GPATCH2: variants seen among roughly 807,000 people sequenced by gnomAD.
GPATCH2 encodes G-patch domain containing 2.
Under a neutral mutation model 58.0 loss-of-function variants are expected in GPATCH2, and 51 were observed. That is an observed-to-expected ratio of 0.88 (90% CI 0.70 to 1.11). The LOEUF is 1.11. GPATCH2 is among the 50% of genes most tolerant of loss of function. GPATCH2 has a pLI of 0.00. For synonymous variants in GPATCH2, 222 were observed against 218.5 expected (o/e 1.02, Z -0.14); for missense variants, 625 against 652.2 (o/e 0.96, Z 0.45).
At chr1:217,547,405 C>G (rs1029035058) in intron 5 of GPATCH2, among the ~76,000 whole-genome samples, 9 of 151,524 alleles carry the variant, frequency 5.9e-5, no homozygotes, top group Non-Finnish European at 1.3e-4. Context: ...GAAAAAGGAA[C>G]ACTTGTACAC....
intron 5 of GPATCH2, among the ~76,000 whole-genome samples, chr1:217,549,624 C>A (rs1025970458): frequency 6.6e-6 from 1 of 152,146 alleles, no homozygotes; most frequent in African/African-American, 2.4e-5. Flanking sequence ...GTCATTCATT[C>A]ATTCACTCAT....
chr1:217,477,374 T>C (rs545434248), intron 8 of GPATCH2, among the ~76,000 whole-genome samples: 3 of 152,198 alleles, frequency 2.0e-5, no homozygotes, highest in Non-Finnish European at 2.9e-5. Context: ...TCTTGCACCT[T>C]AGGTACCAGC....
At position 217,630,959 on chromosome 1, in the gene GPATCH2, CG is replaced by C; in HGVS notation, c.12del (p.Ala5ProfsTer57). 6.3e-7 allele frequency: 1 copy of C among 1,588,008 alleles called. No individual in the cohort carries two copies. Among genetic ancestry groups the C allele is most frequent in the Non-Finnish European group, 8.5e-7 (1 of 1,172,346 alleles). On this transcript the variant is annotated frameshift_variant, in exon 1 of 10. Coordinates refer to ENST00000366935, the MANE Select transcript of GPATCH2 (RefSeq NM_018040.5). LOFTEE classifies it high-confidence loss of function. MFG[A>X]AGRQPIGAPA... ...GGAGCTCCGATCGGTTGGCGCCCGG[CG>C]GCCCCGAACATTAACGACACCCGGG...
chr1:217,440,396 G>A (rs1659077775), intron 9 of GPATCH2, among the ~76,000 whole-genome samples: 1 of 152,096 alleles, frequency 6.6e-6, no homozygotes, highest in South Asian at 2.1e-4. Context: ...CAAACCCACA[G>A]CCAATATCAT....
chr1:217,611,097 CCA>C, intron 3 of GPATCH2, 26 bp from the exon 4 acceptor site: 1 of 1,582,686 alleles, frequency 6.3e-7, no homozygotes, highest in Non-Finnish European at 8.6e-7. Context: ...AAACCCCCCC[CCA>C]CCAAAGACTC....
chr1:217,478,916 T>C (rs1360864660), intron 8 of GPATCH2, among the ~76,000 whole-genome samples: 2 of 151,846 alleles, frequency 1.3e-5, no homozygotes, highest in South Asian at 2.1e-4. Flanking sequence ...GGAGCTCCAA[T>C]ACATGTGGCA....
At chr1:217,460,014 T>C (rs539455633) in intron 8 of GPATCH2, among the ~76,000 whole-genome samples, 6 of 152,192 alleles carry the variant, frequency 3.9e-5, no homozygotes, top group Non-Finnish European at 7.3e-5. Flanking sequence ...ATATATTTAA[T>C]TTTATTTTTC....
At chr1:217,432,216 T>C (rs760382878) in intron 9 of GPATCH2, among the ~76,000 whole-genome samples, 5 of 152,098 alleles carry the variant, frequency 3.3e-5, no homozygotes, top group Non-Finnish European at 5.9e-5. Context: ...GGTTAGTGCT[T>C]AACATGAAAT....
At chr1:217,562,549 G>A (rs902531481) in intron 5 of GPATCH2, among the ~76,000 whole-genome samples, 4 of 152,084 alleles carry the variant, frequency 2.6e-5, no homozygotes, top group Admixed American at 2.0e-4. Flanking sequence ...CAAAGACGAG[G>A]GCAACAACAA....
rs764413973 is a variant in GPATCH2 at position 217,610,924 on chromosome 1, C to A, written c.983G>T (p.Gly328Val). 6 of 1,613,406 alleles carry A rather than the reference C, an allele frequency of 3.7e-6. No homozygotes were observed. The South Asian group carries it at 6.6e-5, about 18-fold the overall frequency. ...TGGGTGTGACATAAGGGGAAAAGAA[C>A]CAGTTAAGATACTTTCAAAGACAGG... ...PDPVFESILTGSFPLMSHPSR... is the reference protein window; with the variant it reads ...PDPVFESILTVSFPLMSHPSR... Residue 328 changes from glycine (G) to valine (V), a missense_variant, in exon 4 of 10, where the codon GGT (glycine) becomes GTT (valine). Transcript: ENST00000366935.
intron 5 of GPATCH2, among the ~76,000 whole-genome samples, chr1:217,554,207 T>C (rs1665506982): frequency 6.6e-6 from 1 of 152,196 alleles, no homozygotes; most frequent in African/African-American, 2.4e-5. Context: ...GAGTTTATTG[T>C]TGTGCACAGG....
chr1:217,484,699 GTA>G (rs1661378202), intron 8 of GPATCH2, among the ~76,000 whole-genome samples: 1 of 149,780 alleles, frequency 6.7e-6, no homozygotes, highest in Middle Eastern at 3.3e-3. Flanking sequence ...ACATATATGT[GTA>G]TATATGTGTG....
intron 8 of GPATCH2, among the ~76,000 whole-genome samples, chr1:217,479,432 T>G (rs1661118048): frequency 6.6e-6 from 1 of 152,154 alleles, no homozygotes; most frequent in Non-Finnish European, 1.5e-5. Context: ...ATGCAAACAG[T>G]GTTGTTATAA....
chr1:217,582,010 A>G (rs1414338682), intron 5 of GPATCH2, among the ~76,000 whole-genome samples: 1 of 152,210 alleles, frequency 6.6e-6, no homozygotes, highest in African/African-American at 2.4e-5. Context: ...CTTCTCTTCT[A>G]CTAAAAAATA....
chr1:217,618,824 A>T (rs1465501492), intron 2 of GPATCH2, among the ~76,000 whole-genome samples: 1 of 151,926 alleles, frequency 6.6e-6, no homozygotes, highest in Non-Finnish European at 1.5e-5. Context: ...TTCGCCAGGC[A>T]TGGTGGTGCA....
chr1:217,528,984 C>A (rs1664059059), intron 5 of GPATCH2, among the ~76,000 whole-genome samples: 1 of 152,086 alleles, frequency 6.6e-6, no homozygotes, highest in Admixed American at 6.5e-5. Context: ...GAATGTGGTG[C>A]CAGTGTTCAG....
intron 9 of GPATCH2, 110 bp downstream of exon 9, chr1:217,449,139 G>T: frequency 1.4e-6 from 1 of 694,034 alleles, no homozygotes; most frequent in Non-Finnish European, 2.6e-6. Flanking sequence ...ATAGTTTCTT[G>T]CAACTGTGCT....
Position 217,524,493 on chromosome 1 carries a change from A to G in GPATCH2, c.1099-9604T>C, listed in dbSNP as rs1400068734. Among the ~76,000 whole-genome samples the G allele has an allele frequency of 5.9e-3, 894 of 151,306 alleles. 22 individuals are homozygous for G. Among genetic ancestry groups the G allele is most frequent in the Admixed American group, 0.043 (635 of 14,842 alleles). On this transcript the variant is annotated intron_variant, in intron 5 of 9. Coordinates refer to ENST00000366935, the MANE Select transcript of GPATCH2 (RefSeq NM_018040.5). ...GCAGAGGCTGCAATCTCGGCTCTTT[A>G]GGAGGCCAAGGCAGGCTGCTGGGAG...
At chr1:217,571,720 A>AAC (rs888503404) in intron 5 of GPATCH2, among the ~76,000 whole-genome samples, 1 of 145,078 alleles carries the variant, frequency 6.9e-6, no homozygotes, top group East Asian at 2.1e-4. Context: ...AAAAAAAAAA[A>AAC]CAAAAAAGAA....
Sources: allele counts gnomAD v4.1 joint callset (sites outside exome capture counted in the v4.1 genomes callset), GRCh38; gene constraint gnomAD v4.1.1; transcripts MANE v1.5; gene names NCBI Gene and HGNC (gene_info 2026-07-23, HGNC 2026-07-21).